ZBTB16: variants seen among roughly 807,000 people sequenced by gnomAD.
ZBTB16 encodes the protein zinc finger and BTB domain containing 16.
Under a neutral mutation model 56.8 loss-of-function variants are expected in ZBTB16, and 8 were observed. The observed-to-expected ratio is 0.14, with a 90% CI of 0.08 to 0.25. ZBTB16 has a LOEUF of 0.25. Ranked by LOEUF, ZBTB16 falls within the 10% of genes least tolerant of loss-of-function variation. ZBTB16 has a pLI of 1.00. For missense variants in ZBTB16, 625 were observed against 903.0 expected (o/e 0.69, Z 3.95); for synonymous variants, 363 against 368.5 (o/e 0.98, Z 0.17).
intron 2 of ZBTB16, among the ~76,000 whole-genome samples, chr11:114,075,225 T>A (rs1181771100): frequency 2.0e-5 from 3 of 152,214 alleles, no homozygotes; most frequent in African/African-American, 4.8e-5. Context: ...TTCGAATTAA[T>A]CTTCTGTCTC....
intron 4 of ZBTB16, among the ~76,000 whole-genome samples, chr11:114,230,399 A>G (rs918049375): frequency 2.0e-5 from 3 of 152,062 alleles, no homozygotes; most frequent in Non-Finnish European, 4.4e-5. Context: ...GAGCTTTTTT[A>G]TATTTTAATT....
intron 6 of ZBTB16, among the ~76,000 whole-genome samples, chr11:114,249,488 G>A (rs1323892766): frequency 7.2e-6 from 1 of 139,462 alleles, no homozygotes; most frequent in East Asian, 2.1e-4. Context: ...AAAAAAGGCC[G>A]GGCGCGGTGG....
At chr11:114,158,884 G>A (rs1431809141) in intron 3 of ZBTB16, among the ~76,000 whole-genome samples, 1 of 152,230 alleles carries the variant, frequency 6.6e-6, no homozygotes, top group Non-Finnish European at 1.5e-5. Context: ...GGATGCCGAT[G>A]AACAGGGACA....
At chr11:114,074,273 A>G (rs1194528795) in intron 2 of ZBTB16, among the ~76,000 whole-genome samples, 1 of 152,194 alleles carries the variant, frequency 6.6e-6, no homozygotes, top group Non-Finnish European at 1.5e-5. Context: ...TAATGCCATT[A>G]GGCCTGTTGG....
chr11:114,108,655 C>T (rs933232365), intron 2 of ZBTB16, among the ~76,000 whole-genome samples: 4 of 152,158 alleles, frequency 2.6e-5, no homozygotes, highest in Non-Finnish European at 5.9e-5. Flanking sequence ...CTGGGTTGAA[C>T]ACCTACCGTC....
At chr11:114,197,946 C>G (rs548926713) in intron 4 of ZBTB16, among the ~76,000 whole-genome samples, 40 of 152,022 alleles carry the variant, frequency 2.6e-4, no homozygotes, top group African/African-American at 9.2e-4. Flanking sequence ...TCAAGAACAG[C>G]CTCCCAGTGG....
chr11:114,109,910 G>A (rs991079673), intron 2 of ZBTB16, among the ~76,000 whole-genome samples: 1 of 152,196 alleles, frequency 6.6e-6, no homozygotes, highest in Non-Finnish European at 1.5e-5. Context: ...AAGGGAAACT[G>A]AAGTATGTTA....
At chr11:114,071,095 G>C (rs144811199) in intron 2 of ZBTB16, among the ~76,000 whole-genome samples, 1 of 151,990 alleles carries the variant, frequency 6.6e-6, no homozygotes, top group East Asian at 1.9e-4. Context: ...GGATTGTTGC[G>C]CTCTTTAAAA....
chr11:114,216,910 T>C (rs1944113689), intron 4 of ZBTB16, among the ~76,000 whole-genome samples: 1 of 149,898 alleles, frequency 6.7e-6, no homozygotes, highest in Non-Finnish European at 1.5e-5. Flanking sequence ...CAGGCAATTA[T>C]AATGCAGAAT....
intron 2 of ZBTB16, among the ~76,000 whole-genome samples, chr11:114,151,560 G>A (rs1028987559): frequency 5.3e-5 from 8 of 152,128 alleles, no homozygotes; most frequent in Admixed American, 5.2e-4. Context: ...TTCAACCCTT[G>A]GATTATTGGA....
At chr11:114,232,231 T>C (rs1591801433) in intron 4 of ZBTB16, among the ~76,000 whole-genome samples, 1 of 152,310 alleles carries the variant, frequency 6.6e-6, no homozygotes, top group East Asian at 1.9e-4. Context: ...ACAGGCAGAA[T>C]ACATGCCAGG....
At chr11:114,205,969 G>A (rs369615414) in intron 4 of ZBTB16, among the ~76,000 whole-genome samples, 5 of 152,270 alleles carry the variant, frequency 3.3e-5, no homozygotes, top group African/African-American at 1.2e-4. Context: ...AAGTGGTCTA[G>A]AGGGCAAGGT....
intron 2 of ZBTB16, among the ~76,000 whole-genome samples, chr11:114,078,806 G>A (rs2137691182): frequency 6.6e-6 from 1 of 152,204 alleles, no homozygotes; most frequent in South Asian, 2.1e-4. Context: ...TTAGAAGGAG[G>A]CACCCTGTGG....
At chr11:114,221,299 T>C (rs1199514287) in intron 4 of ZBTB16, among the ~76,000 whole-genome samples, 1 of 152,228 alleles carries the variant, frequency 6.6e-6, no homozygotes, top group Non-Finnish European at 1.5e-5. Flanking sequence ...GCAGACTCTC[T>C]GTACCAACCG....
At chr11:114,102,709 T>C (rs988283544) in intron 2 of ZBTB16, among the ~76,000 whole-genome samples, 8 of 152,166 alleles carry the variant, frequency 5.3e-5, no homozygotes, top group Non-Finnish European at 1.0e-4. Context: ...TGTGGTTTAA[T>C]AAGAGCTGAA....
intron 2 of ZBTB16, chr11:114,121,838 G>A (rs1476630827): frequency 2.2e-6 from 1 of 455,528 alleles, no homozygotes; most frequent in Non-Finnish European, 4.4e-6. Flanking sequence ...CATAACCTTT[G>A]TTCCTGTTGG....
At chr11:114,216,000 G>T (rs571323469) in intron 4 of ZBTB16, among the ~76,000 whole-genome samples, 47 of 152,318 alleles carry the variant, frequency 3.1e-4, no homozygotes, top group Middle Eastern at 3.4e-3. Flanking sequence ...CAGGGTAGGG[G>T]TGTGGGAGCG....
intron 4 of ZBTB16, among the ~76,000 whole-genome samples, chr11:114,218,432 C>T (rs1315219393): frequency 5.9e-5 from 9 of 152,242 alleles, no homozygotes; most frequent in Non-Finnish European, 1.2e-4. Flanking sequence ...CTGTCCCACA[C>T]TGATCCTAGA....
At chr11:114,084,950 T>C (rs894374751) in intron 2 of ZBTB16, among the ~76,000 whole-genome samples, 3 of 152,196 alleles carry the variant, frequency 2.0e-5, no homozygotes, top group Non-Finnish European at 4.4e-5. Context: ...ACCTGTGGCA[T>C]GTTCAATGAT....
Sources: gnomAD v4.1 joint callset for allele counts (sites outside exome capture counted in the v4.1 genomes callset) on GRCh38, gnomAD v4.1.1 for gene constraint, MANE v1.5 for transcripts, NCBI Gene and HGNC (gene_info 2026-07-23, HGNC 2026-07-21) for gene names.